The following VPS39 variants were observed in gnomAD, a reference collection of about 807,000 sequenced individuals.
VPS39 encodes vam6/Vps39-like protein.
Under a neutral mutation model 121.0 loss-of-function variants are expected in VPS39, and 70 were observed. That is an observed-to-expected ratio of 0.58 (90% CI 0.48 to 0.71). The LOEUF is 0.71. Among genes scored for constraint, VPS39 ranks in the 30% least tolerant of loss-of-function variants. The probability of loss-of-function intolerance (pLI) is 0.00; values close to 1 mark genes in which losing one functional copy is unlikely to be tolerated. For synonymous variants in VPS39, 378 were observed against 398.1 expected (o/e 0.95, Z 0.60); for missense variants, 818 against 1,051.5 (o/e 0.78, Z 3.07).
In VPS39 at chr15:42,160,484, C is replaced by T. The variant is rs1181168779; in HGVS notation, c.*270G>A. 8 of 458,504 alleles carry T rather than the reference C, an allele frequency of 1.7e-5. No homozygotes were observed. In the East Asian group the frequency reaches 2.9e-4, roughly 17 times the overall value. 28.4% of individuals were successfully genotyped at this position (458,504 alleles called of 1,614,324 possible). On this transcript the variant is annotated 3_prime_UTR_variant, in exon 25 of 25. Coordinates refer to ENST00000318006, the MANE Select transcript of VPS39 (RefSeq NM_015289.5). ...TGGTGTGCAAAGGCAAGATGGTGCACATCCTCCTGACCAAGCAGGTACTGA... is the reference window on the plus strand; with the variant it reads ...TGGTGTGCAAAGGCAAGATGGTGCATATCCTCCTGACCAAGCAGGTACTGA...
chr15:42,200,781 C>T (rs2050050348), intron 1 of VPS39, among the ~76,000 whole-genome samples: 1 of 152,090 alleles, frequency 6.6e-6, no homozygotes, highest in Non-Finnish European at 1.5e-5. Flanking sequence ...TCTGTAATAG[C>T]TAAAAGATGG....
At chr15:42,201,307 C>T (rs949082131) in intron 1 of VPS39, among the ~76,000 whole-genome samples, 5 of 152,122 alleles carry the variant, frequency 3.3e-5, no homozygotes, top group South Asian at 2.1e-4. Context: ...TCCTGAGTGG[C>T]GAGAAATACA....
At chr15:42,190,856 C>T (rs1034217742) in intron 4 of VPS39, among the ~76,000 whole-genome samples, 1 of 152,094 alleles carries the variant, frequency 6.6e-6, no homozygotes, top group Non-Finnish European at 1.5e-5. Context: ...CTTGGTATCC[C>T]GAATGTCTAG....
chr15:42,175,515 T>C (rs1486519079), intron 10 of VPS39, among the ~76,000 whole-genome samples: 1 of 152,204 alleles, frequency 6.6e-6, no homozygotes, highest in Admixed American at 6.5e-5. Flanking sequence ...GCAGCTGCTA[T>C]GAGCTTTGCT....
In VPS39 at chr15:42,159,704, A is replaced by T. The variant is rs1202542176; in HGVS notation, c.*1050T>A. On this transcript the variant is annotated 3_prime_UTR_variant, in exon 25 of 25. Transcript: ENST00000318006. ...CTGCGCTATCCCAGCACAACTCTCC[A>T]ACCACACCATTGCTGAACAAAGCTG... 6.6e-6 allele frequency: 1 copy of T among 152,292 alleles called. No individual in the cohort carries two copies. Among genetic ancestry groups the T allele is most frequent in the Non-Finnish European group, 1.5e-5 (1 of 68,110 alleles). The allele number at this position is 152,292 out of a possible 1,614,324, so 9.4% of individuals were successfully genotyped here.
At position 42,178,254 on chromosome 15, in the gene VPS39, G is replaced by T; in HGVS notation, c.924C>A (p.Leu308=). The T allele has an allele frequency of 1.2e-6, 2 of 1,614,174 alleles. No homozygotes were observed. The highest frequency in any genetic ancestry group is 1.7e-6 in the Non-Finnish European group (2 of 1,180,040). Residue 308 remains leucine (L), a synonymous_variant, in exon 10 of 25, where the codon CTC becomes CTA. Coordinates refer to ENST00000318006, the MANE Select transcript of VPS39 (RefSeq NM_015289.5). ...VPMATQIQQL[L]QDKQFELALQ... ...GAGCCAATTCAAACTGCTTGTCCTG[G>T]AGAAGTTGTTGGATTTGGGTTGCCA... is the stretch of plus-strand genomic sequence containing the variant.
intron 2 of VPS39, among the ~76,000 whole-genome samples, chr15:42,191,886 G>T (rs1010668009): frequency 1.3e-5 from 2 of 152,178 alleles, no homozygotes; most frequent in Non-Finnish European, 2.9e-5. Flanking sequence ...CCACAAGGAA[G>T]GGTGTAAAAA....
intron 1 of VPS39, among the ~76,000 whole-genome samples, chr15:42,204,307 T>C (rs2050124846): frequency 1.3e-5 from 2 of 152,206 alleles, no homozygotes; most frequent in Admixed American, 1.3e-4. Flanking sequence ...CACATGGAGA[T>C]TCAGATTCAA....
chr15:42,177,987 G>T (rs1260177115), intron 10 of VPS39, among the ~76,000 whole-genome samples: 2 of 152,184 alleles, frequency 1.3e-5, no homozygotes, highest in Non-Finnish European at 2.9e-5. Flanking sequence ...ATTCTACAAG[G>T]TACTATTACT....
intron 11 of VPS39, among the ~76,000 whole-genome samples, chr15:42,170,335 T>C (rs1194233787): frequency 1.3e-5 from 2 of 152,132 alleles, no homozygotes; most frequent in Non-Finnish European, 2.9e-5. Context: ...TAAGAACACA[T>C]GTCTACAAAA....
rs141253153 is a variant in VPS39, at chr15:42,178,221, G to A, written c.957C>T (p.Leu319=). 154 of 1,614,116 alleles carry A rather than the reference G, an allele frequency of 9.5e-5. No individual in the cohort carries two copies. Among genetic ancestry groups the A allele is most frequent in the African/African-American group, 5.1e-4 (38 of 75,024 alleles). Residue 319 remains leucine, a synonymous_variant, in exon 10 of 25, where the codon CTC becomes CTT. Transcript: ENST00000318006. ...QDKQFELALQ[L]AEMKDDSDSE... ...ACTAGTCAGGAACAAGACTTACTGC[G>A]AGCTGCAGAGCCAATTCAAACTGCT...
intron 10 of VPS39, among the ~76,000 whole-genome samples, chr15:42,177,990 C>T (rs540614714): frequency 2.0e-4 from 31 of 152,298 alleles, no homozygotes; most frequent in African/African-American, 7.5e-4. Context: ...CTACAAGGTA[C>T]TATTACTAGA....
rs190860279 is a variant in VPS39 at position 42,184,009 on chromosome 15, G to A, written c.718+508C>T. Among the ~76,000 whole-genome samples, 27 of 143,866 alleles carry A rather than the reference G, an allele frequency of 1.9e-4. No individual in the cohort carries two copies. The East Asian group carries it at 5.3e-3, about 28-fold the overall frequency. 94.4% of individuals were successfully genotyped at this position (143,866 alleles called of 152,430 possible). A position where few individuals can be genotyped will look rare whatever the true frequency, so the allele number is the denominator to read the frequency against. ...AGAAGCACCTAATGCGTAGAATAGA[G>A]GCTGACACCAAAATCACCTAAATGT... On this transcript the variant is annotated intron_variant, in intron 8 of 24. Transcript: ENST00000318006.
At chr15:42,174,140 G>A (rs371862054) in intron 10 of VPS39, among the ~76,000 whole-genome samples, 8 of 152,108 alleles carry the variant, frequency 5.3e-5, no homozygotes, top group African/African-American at 1.7e-4. Context: ...CCAGCTACTC[G>A]GGAGGCTGAG....
At chr15:42,195,414 A>G (rs2049916648) in intron 2 of VPS39, among the ~76,000 whole-genome samples, 1 of 152,230 alleles carries the variant, frequency 6.6e-6, no homozygotes. Context: ...ATCACTACAA[A>G]AGATACAAAA....
rs1311519461 is a variant in VPS39, at chr15:42,161,585, CCTT to C, written c.2552+94_2552+96del. On this transcript the variant is annotated intron_variant, in intron 24 of 24. Coordinates refer to ENST00000318006, the MANE Select transcript of VPS39 (RefSeq NM_015289.5). ...TCAGGACAGCCAGCAGCCATGTTCT[CCTT>C]CTCTGTTAAAGGGCAGAAATCCATC... is the stretch of plus-strand genomic sequence containing the variant. 2.4e-6 allele frequency: 3 copies of C among 1,235,724 alleles called. No homozygotes were observed. The Admixed American group carries it at 5.0e-5, about 21-fold the overall frequency. 76.5% of individuals were successfully genotyped at this position (1,235,724 alleles called of 1,614,324 possible).
At chr15:42,187,070 G>A (rs529621117) in intron 7 of VPS39, among the ~76,000 whole-genome samples, 6 of 152,268 alleles carry the variant, frequency 3.9e-5, no homozygotes, top group South Asian at 2.1e-4. Context: ...AGAACTGAGC[G>A]TTGACTCTTG....
chr15:42,191,581 C>T (rs660033), intron 2 of VPS39, 21 bp from the exon 3 acceptor site: 167,886 of 1,605,610 alleles, frequency 0.1, 11,877 homozygotes, highest in African/African-American at 0.27. Context: ...CAAATAAACA[C>T]TGGTAGTTCC....
In VPS39 at chr15:42,165,816, T is replaced by C; in HGVS notation, c.1681A>G (p.Ile561Val). 2 of 1,613,884 alleles carry C rather than the reference T, an allele frequency of 1.2e-6. No homozygotes were observed. Among genetic ancestry groups the C allele is most frequent in the African/African-American group, 2.7e-5 (2 of 75,040 alleles). Residue 561 changes from isoleucine to valine, a missense_variant and splice_region_variant, in exon 17 of 25, where the codon ATA becomes GTA. Ile to Val is a conservative substitution (Grantham distance 29). Coordinates refer to ENST00000318006, the MANE Select transcript of VPS39 (RefSeq NM_015289.5). The part of the protein sequence containing the change: ...LRDFPEDGLK[I>V]FTEDLPEVES... ...ACTTCCGGGAGATCTTCAGTAAATATCTGTTAGAATGAACCCGAGTTCCAG... is the reference window on the plus strand; with the variant it reads ...ACTTCCGGGAGATCTTCAGTAAATACCTGTTAGAATGAACCCGAGTTCCAG...
Sources: gnomAD v4.1 joint callset for allele counts (sites outside exome capture counted in the v4.1 genomes callset) on GRCh38, gnomAD v4.1.1 for gene constraint, MANE v1.5 for transcripts, NCBI Gene and HGNC (gene_info 2026-07-23, HGNC 2026-07-21) for gene names.